Variants in LDAH observed in about 807,000 individuals in gnomAD.
LDAH encodes the protein lipid droplet-associated hydrolase.
In LDAH, 26 loss-of-function variants were observed where a neutral mutation model predicts 29.6. The observed-to-expected ratio is 0.88, with a 90% CI of 0.64 to 1.22. The LOEUF is 1.22. Among genes scored for constraint, LDAH ranks in the 50% most tolerant of loss-of-function variants. LDAH has a pLI of 0.00. For synonymous variants in LDAH, 117 were observed against 133.0 expected (o/e 0.88, Z 0.83); for missense variants, 344 against 387.3 (o/e 0.89, Z 0.94).
At position 20,811,744 on chromosome 2, in the gene LDAH, A is replaced by G. The variant is rs540790623; in HGVS notation, c.-2-10279T>C. Among the ~76,000 whole-genome samples the G allele has an allele frequency of 2.0e-5, 3 of 152,278 alleles. No homozygotes were observed. The South Asian group carries it at 6.2e-4, about 32-fold the overall frequency. ...CGTGATCCACCCCTCTCGGCCTCCCAAAGTGCTGGGATTACAGGTATGAGC... is the reference window on the plus strand; with the variant it reads ...CGTGATCCACCCCTCTCGGCCTCCCGAAGTGCTGGGATTACAGGTATGAGC... On this transcript the variant is annotated intron_variant, in intron 1 of 6. Transcript: ENST00000237822.
chr2:20,692,654 G>A (rs1156442446), intron 6 of LDAH, among the ~76,000 whole-genome samples: 1 of 152,158 alleles, frequency 6.6e-6, no homozygotes, highest in Non-Finnish European at 1.5e-5. Flanking sequence ...AATTTTAGAA[G>A]CTCTTTAAAT....
At chr2:20,766,939 T>C (rs951803636) in intron 4 of LDAH, among the ~76,000 whole-genome samples, 2 of 152,194 alleles carry the variant, frequency 1.3e-5, no homozygotes, top group African/African-American at 4.8e-5. Flanking sequence ...CCCAGGGCTC[T>C]GTCCCCAGGG....
intron 6 of LDAH, among the ~76,000 whole-genome samples, chr2:20,688,063 G>C (rs1650050863): frequency 6.6e-6 from 1 of 152,092 alleles, no homozygotes; most frequent in South Asian, 2.1e-4. Flanking sequence ...TCATTCCTTT[G>C]TTCATCAAAT....
rs200659082 is a variant in LDAH at position 20,756,093 on chromosome 2, G to A, written c.469-15888C>T. Among the ~76,000 whole-genome samples the A allele has an allele frequency of 6.6e-4, 100 of 151,778 alleles. 1 individual carries two copies. Among genetic ancestry groups the A allele is most frequent in the Non-Finnish European group, 9.7e-4 (66 of 67,924 alleles). On this transcript the variant is annotated intron_variant, in intron 4 of 6. Transcript: ENST00000237822. ...GTCACCCAGGCTAGAGTGTAGTGGC[G>A]CGGTCTTGGCTCCGGGCAACCTCCT...
At chr2:20,711,840 G>A (rs986677781) in intron 5 of LDAH, among the ~76,000 whole-genome samples, 2 of 152,212 alleles carry the variant, frequency 1.3e-5, no homozygotes, top group Non-Finnish European at 1.5e-5. Flanking sequence ...GGGGAGGGGC[G>A]TCCACCATTG....
At chr2:20,754,475 A>G (rs73241163) in intron 4 of LDAH, among the ~76,000 whole-genome samples, 1,983 of 146,232 alleles carry the variant, frequency 0.014, 52 homozygotes, top group African/African-American at 0.048. Context: ...TGGGTGACAG[A>G]GCAAGACTCC....
At position 20,798,553 on chromosome 2, in the gene LDAH, A is replaced by G. The variant is rs1392512550; in HGVS notation, c.154+2757T>C. On this transcript the variant is annotated intron_variant, in intron 2 of 6. Transcript: ENST00000237822. ...TGCGCAATTCCCTATAGGCTTAGCT[A>G]TGTATAATATAATTAATATAATATA... Among the ~76,000 whole-genome samples the G allele has an allele frequency of 2.7e-5, 4 of 148,754 alleles. No individual in the cohort carries two copies. The East Asian group carries it at 7.7e-4, about 29-fold the overall frequency.
intron 4 of LDAH, among the ~76,000 whole-genome samples, chr2:20,754,500 C>CAAAAAAA (rs61076745): frequency 3.1e-4 from 24 of 77,302 alleles, no homozygotes; most frequent in African/African-American, 8.2e-4. Flanking sequence ...ACCCTCGCCA[C>CAAAAAAA]AAAAAAAAAA....
chr2:20,790,435 T>C, intron 2 of LDAH, 37 bp from the exon 3 acceptor site: 1 of 1,584,292 alleles, frequency 6.3e-7, no homozygotes, highest in East Asian at 2.2e-5. Flanking sequence ...TTAATCAAAG[T>C]AATAAACAGG....
intron 3 of LDAH, among the ~76,000 whole-genome samples, chr2:20,786,468 G>A (rs928313515): frequency 1.3e-5 from 2 of 152,124 alleles, no homozygotes; most frequent in Admixed American, 6.5e-5. Context: ...GGGATTACAG[G>A]CATGAGCCAC....
At chr2:20,813,871 T>A (rs2125152021) in intron 1 of LDAH, among the ~76,000 whole-genome samples, 1 of 152,318 alleles carries the variant, frequency 6.6e-6, no homozygotes, top group African/African-American at 2.4e-5. Context: ...CTGTAAATTG[T>A]CTCTTCATAT....
chr2:20,702,643 A>C (rs1664028867), intron 5 of LDAH, among the ~76,000 whole-genome samples: 2 of 152,198 alleles, frequency 1.3e-5, no homozygotes, highest in Non-Finnish European at 2.9e-5. Context: ...CTGAAAGTAT[A>C]AATTCCATTT....
rs529047150 is a variant in LDAH at position 20,685,092 on chromosome 2, G to A, written c.*1811C>T. On this transcript the variant is annotated 3_prime_UTR_variant, in exon 7 of 7. Transcript: ENST00000237822. ...AACATTTATTTCAAAAATTCATTTG[G>A]TTTTCAGATGATAAATAGGAATTAA... 3.4e-5 allele frequency: 28 copies of A among 812,330 alleles called. No individual in the cohort carries two copies. In the African/African-American group the frequency reaches 3.9e-4, roughly 11 times the overall value. The allele number at this position is 812,330 out of a possible 1,614,324, so 50.3% of individuals were successfully genotyped here. A position where few individuals can be genotyped will look rare whatever the true frequency, so the allele number is the denominator to read the frequency against.
intron 4 of LDAH, among the ~76,000 whole-genome samples, chr2:20,754,947 T>C (rs1446891389): frequency 1.3e-5 from 2 of 152,154 alleles, no homozygotes; most frequent in East Asian, 3.8e-4. Context: ...AATGGGAATA[T>C]GCAAGGTAGA....
At position 20,773,730 on chromosome 2, in the gene LDAH, C is replaced by T. The variant is rs182290568; in HGVS notation, c.468+1080G>A. On this transcript the variant is annotated intron_variant, in intron 4 of 6. Transcript: ENST00000237822. Reference sequence around the variant, plus strand: ...GTTGTACATTTCCCAAGGGCAATTACGAATAAGAAGCAAGCAGGTGAAGCT... The same window carrying T: ...GTTGTACATTTCCCAAGGGCAATTATGAATAAGAAGCAAGCAGGTGAAGCT... 3.7e-4 allele frequency among the ~76,000 whole-genome samples: 57 copies of T among 152,218 alleles called. 1 individual carries two copies. The highest frequency in any genetic ancestry group is 2.6e-4 in the Admixed American group (4 of 15,292).
Position 20,686,786 on chromosome 2 carries a change from A to C in LDAH, c.*117T>G. The C allele has an allele frequency of 1.1e-6, 1 of 935,734 alleles. No individual in the cohort carries two copies. Among genetic ancestry groups the C allele is most frequent in the Non-Finnish European group, 1.6e-6 (1 of 623,892 alleles). 58.0% of individuals were successfully genotyped at this position (935,734 alleles called of 1,614,324 possible). A position where few individuals can be genotyped will look rare whatever the true frequency, so the allele number is the denominator to read the frequency against. ...AGCGGAGAGTTGGTTTGTAAGACAA[A>C]GGTTCTCACTTTCTTCATTTCTAAT... On this transcript the variant is annotated 3_prime_UTR_variant, in exon 7 of 7. Coordinates refer to ENST00000237822, the MANE Select transcript of LDAH (RefSeq NM_021925.4).
intron 1 of LDAH, among the ~76,000 whole-genome samples, chr2:20,814,655 T>A (rs1409001662): frequency 2.0e-5 from 3 of 151,930 alleles, no homozygotes; most frequent in Non-Finnish European, 4.4e-5. Flanking sequence ...AGAGAAGGGG[T>A]TTCACCATGT....
intron 5 of LDAH, among the ~76,000 whole-genome samples, chr2:20,709,799 C>T (rs889889466): frequency 2.0e-5 from 3 of 152,024 alleles, no homozygotes; most frequent in Non-Finnish European, 4.4e-5. Context: ...AGTCATGCAA[C>T]GAAATATTAT....
chr2:20,737,466 G>A (rs1359213183), intron 5 of LDAH, among the ~76,000 whole-genome samples: 3 of 152,102 alleles, frequency 2.0e-5, no homozygotes, highest in Admixed American at 6.5e-5. Flanking sequence ...GTAAAGAGAC[G>A]TAAAATGATC....
Sources: allele counts gnomAD v4.1 joint callset (sites outside exome capture counted in the v4.1 genomes callset), GRCh38; gene constraint gnomAD v4.1.1; transcripts MANE v1.5; gene names NCBI Gene and HGNC (gene_info 2026-07-23, HGNC 2026-07-21).